Variants in NCAM2 observed in about 807,000 individuals in gnomAD.
The protein encoded by NCAM2 is neural cell adhesion molecule 2.
In NCAM2, 30 loss-of-function variants were observed where a neutral mutation model predicts 98.1. That is an observed-to-expected ratio of 0.31 (90% CI 0.23 to 0.41). NCAM2 has a LOEUF of 0.41. NCAM2 is among the 10% of genes least tolerant of loss of function. The probability of loss-of-function intolerance (pLI) is 1.00; values close to 1 mark genes in which losing one functional copy is unlikely to be tolerated. For synonymous variants in NCAM2, 368 were observed against 342.4 expected (o/e 1.07, Z -0.83); for missense variants, 867 against 1,005.8 (o/e 0.86, Z 1.87).
chr21:21,146,520 T>C (rs1027513928), intron 1 of NCAM2, among the ~76,000 whole-genome samples: 15 of 146,126 alleles, frequency 1.0e-4, no homozygotes, highest in Admixed American at 9.8e-4. Flanking sequence ...TGTGTGTGTA[T>C]ATGTGATTAT....
At chr21:21,228,551 G>GA (rs1163940018) in intron 1 of NCAM2, among the ~76,000 whole-genome samples, 5 of 151,260 alleles carry the variant, frequency 3.3e-5, no homozygotes, top group African/African-American at 1.2e-4. Context: ...GAATCATGAT[G>GA]AAAAAAATCT....
intron 1 of NCAM2, among the ~76,000 whole-genome samples, chr21:21,022,464 A>T (rs1220763058): frequency 6.6e-6 from 1 of 152,072 alleles, no homozygotes; most frequent in African/African-American, 2.4e-5. Flanking sequence ...TAAATGTTCT[A>T]TAGTAGAATT....
At chr21:21,259,265 T>C (rs1316532542) in intron 1 of NCAM2, among the ~76,000 whole-genome samples, 2 of 152,176 alleles carry the variant, frequency 1.3e-5, no homozygotes, top group East Asian at 3.9e-4. Context: ...GAAGAGTCTC[T>C]GTGCTGAGCC....
intron 16 of NCAM2, among the ~76,000 whole-genome samples, chr21:21,524,603 G>T (rs1159513100): frequency 6.6e-6 from 1 of 151,464 alleles, no homozygotes; most frequent in Non-Finnish European, 1.5e-5. Flanking sequence ...GGAAAATTTG[G>T]GAAAAAAGAG....
chr21:21,479,154 T>A (rs575225906), intron 15 of NCAM2, among the ~76,000 whole-genome samples: 3 of 123,252 alleles, frequency 2.4e-5, no homozygotes, highest in Non-Finnish European at 5.8e-5. Flanking sequence ...TTAATCCGTT[T>A]AATTTAATAA....
chr21:21,124,099 G>T (rs1457785637), intron 1 of NCAM2, among the ~76,000 whole-genome samples: 2 of 151,716 alleles, frequency 1.3e-5, no homozygotes, highest in South Asian at 2.1e-4. Flanking sequence ...GGCCCACCTC[G>T]GCGTCCCATA....
At chr21:21,263,342 C>T (rs1047324550) in intron 1 of NCAM2, among the ~76,000 whole-genome samples, 2 of 151,960 alleles carry the variant, frequency 1.3e-5, no homozygotes, top group African/African-American at 4.8e-5. Context: ...AACTAGAAAA[C>T]GCTGATCAAA....
chr21:21,517,448 TAG>T (rs1988773551), intron 16 of NCAM2, among the ~76,000 whole-genome samples: 1 of 152,190 alleles, frequency 6.6e-6, no homozygotes, highest in Non-Finnish European at 1.5e-5. Flanking sequence ...TTCTATTCTG[TAG>T]ATAGTATGCA....
intron 12 of NCAM2, among the ~76,000 whole-genome samples, chr21:21,456,586 A>C (rs1484441604): frequency 2.0e-5 from 3 of 152,188 alleles, no homozygotes; most frequent in Non-Finnish European, 4.4e-5. Flanking sequence ...CTTACACCAT[A>C]TGCAAAAATC....
At chr21:21,203,237 G>A (rs944080691) in intron 1 of NCAM2, among the ~76,000 whole-genome samples, 1 of 152,048 alleles carries the variant, frequency 6.6e-6, no homozygotes, top group African/African-American at 2.4e-5. Flanking sequence ...TAAATTAATT[G>A]GCTCCTTTTA....
chr21:21,448,319 A>G (rs1980501617), intron 12 of NCAM2, among the ~76,000 whole-genome samples: 1 of 151,970 alleles, frequency 6.6e-6, no homozygotes, highest in South Asian at 2.1e-4. Context: ...CTCATTTCTT[A>G]CTCATAAGTG....
At chr21:21,083,735 T>G (rs2065855940) in intron 1 of NCAM2, among the ~76,000 whole-genome samples, 1 of 152,170 alleles carries the variant, frequency 6.6e-6, no homozygotes, top group South Asian at 2.1e-4. Context: ...TAAAATTCTA[T>G]TTTTTGAGAT....
chr21:21,200,511 T>C (rs936815245), intron 1 of NCAM2, among the ~76,000 whole-genome samples: 2 of 151,658 alleles, frequency 1.3e-5, no homozygotes, highest in African/African-American at 2.4e-5. Flanking sequence ...TAGAAACCAA[T>C]AGGTGGCCAG....
At chr21:21,221,162 ATGT>A (rs1243278015) in intron 1 of NCAM2, among the ~76,000 whole-genome samples, 1 of 152,120 alleles carries the variant, frequency 6.6e-6, no homozygotes, top group African/African-American at 2.4e-5. Context: ...CCTTCAGTAA[ATGT>A]TGTGTGTTCC....
chr21:21,033,898 C>G (rs755783287), intron 1 of NCAM2, among the ~76,000 whole-genome samples: 1 of 151,964 alleles, frequency 6.6e-6, no homozygotes, highest in Non-Finnish European at 1.5e-5. Flanking sequence ...AATAGTCATC[C>G]GAAAGTATGT....
chr21:21,014,814 C>T (rs975761080), intron 1 of NCAM2, among the ~76,000 whole-genome samples: 3 of 152,126 alleles, frequency 2.0e-5, no homozygotes, highest in African/African-American at 7.2e-5. Context: ...CAATTGAAAA[C>T]CTTCTGGAAA....
At chr21:21,098,781 G>T (rs1042527724) in intron 1 of NCAM2, among the ~76,000 whole-genome samples, 1 of 151,758 alleles carries the variant, frequency 6.6e-6, no homozygotes, top group Non-Finnish European at 1.5e-5. Flanking sequence ...AAAAAAAGAT[G>T]CATTTTTTAA....
chr21:21,368,401 A>T (rs141038465), intron 8 of NCAM2, among the ~76,000 whole-genome samples: 80 of 151,924 alleles, frequency 5.3e-4, no homozygotes, highest in African/African-American at 1.8e-3. Context: ...CTTTCCCAGC[A>T]TGTCATCAGT....
chr21:21,109,339 A>T (rs1308779934), intron 1 of NCAM2, among the ~76,000 whole-genome samples: 6 of 152,282 alleles, frequency 3.9e-5, no homozygotes, highest in East Asian at 3.9e-4. Context: ...TATTTTAAAT[A>T]TAAAAGGTAG....
Sources: allele counts gnomAD v4.1 joint callset (sites outside exome capture counted in the v4.1 genomes callset), GRCh38; gene constraint gnomAD v4.1.1; transcripts MANE v1.5; gene names NCBI Gene and HGNC (gene_info 2026-07-23, HGNC 2026-07-21).